THSD7B: variants seen among roughly 807,000 people sequenced by gnomAD.
THSD7B encodes thrombospondin type 1 domain containing 7B.
Under a neutral mutation model 213.6 loss-of-function variants are expected in THSD7B, and 138 were observed. That is an observed-to-expected ratio of 0.65 (90% CI 0.56 to 0.74). THSD7B has a LOEUF of 0.74. Ranked by LOEUF, THSD7B falls within the 30% of genes least tolerant of loss-of-function variation. THSD7B has a pLI of 0.00. For synonymous variants in THSD7B, 742 were observed against 687.0 expected, an observed-to-expected ratio of 1.08 and a Z score of -1.25; for missense variants, 1,931 against 1,991.5, an observed-to-expected ratio of 0.97 and a Z score of 0.58.
chr2:137,326,957 G>A (rs1684386488), intron 12 of THSD7B, among the ~76,000 whole-genome samples: 1 of 152,110 alleles, frequency 6.6e-6, no homozygotes, highest in Non-Finnish European at 1.5e-5. Flanking sequence ...TAATAAATGA[G>A]CAAAATCTCT....
chr2:136,947,109 C>T (rs1268218583), intron 2 of THSD7B, among the ~76,000 whole-genome samples: 1 of 152,066 alleles, frequency 6.6e-6, no homozygotes, highest in East Asian at 1.9e-4. Flanking sequence ...CCTATTCGGC[C>T]ATCTTGGAAC....
At chr2:137,553,663 C>A (rs1170393053) in intron 15 of THSD7B, among the ~76,000 whole-genome samples, 1 of 152,016 alleles carries the variant, frequency 6.6e-6, no homozygotes, top group Non-Finnish European at 1.5e-5. Context: ...CATCTATGGC[C>A]CTATTAAACC....
At chr2:136,941,411 G>T (rs1481686481) in intron 2 of THSD7B, among the ~76,000 whole-genome samples, 1 of 152,168 alleles carries the variant, frequency 6.6e-6, no homozygotes, top group Non-Finnish European at 1.5e-5. Flanking sequence ...TCTAGTTCTA[G>T]ATCCTCGAGG....
intron 10 of THSD7B, among the ~76,000 whole-genome samples, chr2:137,257,471 G>T (rs935610739): frequency 1.3e-5 from 2 of 152,166 alleles, no homozygotes; most frequent in African/African-American, 4.8e-5. Context: ...AAGATCCAGG[G>T]TATCTCACAA....
intron 5 of THSD7B, among the ~76,000 whole-genome samples, chr2:137,145,992 C>T (rs1679694263): frequency 6.6e-6 from 1 of 151,942 alleles, no homozygotes. Flanking sequence ...AAATAATTGT[C>T]TCCATTTTAT....
chr2:137,152,347 AT>A (rs1447236478), intron 5 of THSD7B, among the ~76,000 whole-genome samples: 8 of 151,948 alleles, frequency 5.3e-5, no homozygotes, highest in African/African-American at 1.9e-4. Flanking sequence ...ATAGTCACTT[AT>A]TTTTTCCTAG....
intron 2 of THSD7B, among the ~76,000 whole-genome samples, chr2:136,889,438 A>G (rs12474381): frequency 0.029 from 4,470 of 152,272 alleles, 102 homozygotes; most frequent in South Asian, 0.071. Flanking sequence ...TATGTCTCCT[A>G]GATCTACTCC....
chr2:137,311,211 G>T (rs1400466497), intron 12 of THSD7B, among the ~76,000 whole-genome samples: 1 of 151,092 alleles, frequency 6.6e-6, no homozygotes, highest in Non-Finnish European at 1.5e-5. Flanking sequence ...TCCTTGAAGA[G>T]GTCCTTCACA....
intron 1 of THSD7B, among the ~76,000 whole-genome samples, chr2:136,877,863 G>A (rs991183737): frequency 6.6e-6 from 1 of 152,042 alleles, no homozygotes; most frequent in Non-Finnish European, 1.5e-5. Context: ...CTGTGGGCAG[G>A]GTGGTATAAT....
At chr2:137,407,077 G>GT (rs1686541420) in intron 13 of THSD7B, among the ~76,000 whole-genome samples, 1 of 152,150 alleles carries the variant, frequency 6.6e-6, no homozygotes, top group African/African-American at 2.4e-5. Flanking sequence ...TTAGTGGCCA[G>GT]TTTTTTTCTT....
intron 7 of THSD7B, among the ~76,000 whole-genome samples, chr2:137,206,120 G>A (rs1251536470): frequency 2.0e-5 from 3 of 151,768 alleles, no homozygotes; most frequent in South Asian, 4.2e-4. Flanking sequence ...TGATTTTGGA[G>A]GCAGAGTATT....
chr2:137,657,878 CTAATTTTT>C (rs1683268654), intron 24 of THSD7B, among the ~76,000 whole-genome samples: 1 of 152,130 alleles, frequency 6.6e-6, no homozygotes. Flanking sequence ...CCACGCCCAG[CTAATTTTT>C]GTGTTTAGTA....
chr2:137,569,601 G>T (rs886643510), intron 16 of THSD7B, among the ~76,000 whole-genome samples: 4 of 151,956 alleles, frequency 2.6e-5, no homozygotes, highest in Non-Finnish European at 5.9e-5. Flanking sequence ...GAGGTACTTG[G>T]TGCCATGAAT....
At chr2:137,401,856 C>T (rs992926101) in intron 12 of THSD7B, among the ~76,000 whole-genome samples, 19 of 152,178 alleles carry the variant, frequency 1.2e-4, no homozygotes, top group Non-Finnish European at 2.1e-4. Context: ...TCTGCACAGC[C>T]CTGTTAATTC....
Position 137,424,702 on chromosome 2 carries a change from A to G in THSD7B, c.2959+12830A>G, listed in dbSNP as rs574526104. On this transcript the variant is annotated intron_variant, in intron 14 of 27. Coordinates refer to ENST00000409968, the MANE Select transcript of THSD7B (RefSeq NM_001316349.2). The stretch of plus-strand genomic sequence containing the variant: ...ACATCCTTCATAATAAAAACTCTCA[A>G]TAAATTGCATAGAGTTGGCTCTCCA... Among the ~76,000 whole-genome samples, 4 of 152,328 alleles carry G rather than the reference A, an allele frequency of 2.6e-5. No homozygotes were observed. The South Asian group carries it at 8.3e-4, about 32-fold the overall frequency.
At chr2:137,272,441 A>G in intron 10 of THSD7B, 92 bp from the exon 11 acceptor site, 1 of 1,320,790 alleles carries the variant, frequency 7.6e-7, no homozygotes, top group Non-Finnish European at 1.0e-6. Flanking sequence ...TGCTTACTTT[A>G]TCTCTCTCTC....
chr2:137,411,750 C>G lies in THSD7B; in HGVS notation c.2837C>G (p.Pro946Arg). 1 of 1,613,942 alleles carries G rather than the reference C, an allele frequency of 6.2e-7. No individual in the cohort carries two copies. The highest frequency in any genetic ancestry group is 8.5e-7 in the Non-Finnish European group (1 of 1,179,890). Residue 946 changes from proline (P) to arginine (R), a missense_variant, in exon 14 of 28, where the codon CCT (proline) becomes CGT (arginine). Transcript: ENST00000409968. ...DCILPEGRRE[P>R]HRGLRVQADS... ...ATTCTTCCAGAAGGCAGAAGGGAGC[C>G]TCACCGAGGACTGCGGGTACAAGCA...
intron 2 of THSD7B, among the ~76,000 whole-genome samples, chr2:137,038,248 C>G (rs971288463): frequency 1.3e-5 from 2 of 152,116 alleles, no homozygotes; most frequent in African/African-American, 2.4e-5. Flanking sequence ...AAATATTTGA[C>G]GTTTTCTTGA....
At chr2:137,065,444 A>G (rs900585941) in intron 3 of THSD7B, among the ~76,000 whole-genome samples, 2 of 151,976 alleles carry the variant, frequency 1.3e-5, no homozygotes, top group African/African-American at 4.8e-5. Flanking sequence ...TTATCTGCAA[A>G]CAAGGATAAT....
Sources: allele counts gnomAD v4.1 joint callset (sites outside exome capture counted in the v4.1 genomes callset), GRCh38; gene constraint gnomAD v4.1.1; transcripts MANE v1.5; gene names NCBI Gene and HGNC (gene_info 2026-07-23, HGNC 2026-07-21).